MME: variants seen among roughly 807,000 people sequenced by gnomAD.
MME encodes the protein membrane metalloendopeptidase.
In MME, 98 loss-of-function variants were observed where a neutral mutation model predicts 113.2. That is an observed-to-expected ratio of 0.87 (90% CI 0.74 to 1.02). The LOEUF (loss-of-function observed/expected upper bound fraction) is 1.02. MME is among the 50% of genes least tolerant of loss of function. The pLI is 0.00. For missense variants in MME, 836 were observed against 896.0 expected, an observed-to-expected ratio of 0.93 and a Z score of 0.86; for synonymous variants, 292 against 300.6, an observed-to-expected ratio of 0.97 and a Z score of 0.30.
intron 1 of MME, among the ~76,000 whole-genome samples, chr3:155,065,987 T>C (rs1379410446): frequency 6.6e-6 from 1 of 152,206 alleles, no homozygotes; most frequent in Non-Finnish European, 1.5e-5. Context: ...GGGATTTAAT[T>C]ATTTAAGTAA....
chr3:155,103,275 T>C (rs960997310), intron 3 of MME, among the ~76,000 whole-genome samples: 11 of 152,370 alleles, frequency 7.2e-5, no homozygotes, highest in African/African-American at 2.6e-4. Context: ...GTTCCTTACC[T>C]TGAAGTCACA....
chr3:155,167,075 T>A, intron 18 of MME, 54 bp downstream of exon 18: 1 of 1,596,108 alleles, frequency 6.3e-7, no homozygotes, highest in Non-Finnish European at 8.6e-7. Flanking sequence ...ATAAATTTGA[T>A]TAAGAGTTAT....
At chr3:155,106,671 GA>G (rs1404774223) in intron 3 of MME, among the ~76,000 whole-genome samples, 4 of 152,162 alleles carry the variant, frequency 2.6e-5, no homozygotes, top group Non-Finnish European at 5.9e-5. Flanking sequence ...GGGATGGTGG[GA>G]GGAGGGTGGC....
upstream of MME, chr3:155,080,002 G>T (rs537664389): frequency 6.6e-6 from 1 of 152,604 alleles, no homozygotes; most frequent in South Asian, 2.1e-4. Flanking sequence ...AATCCCACTG[G>T]TGAGTCCCAG....
chr3:155,045,512 AAATT>A (rs973377082), intron 1 of MME, among the ~76,000 whole-genome samples: 7 of 151,158 alleles, frequency 4.6e-5, no homozygotes, highest in Non-Finnish European at 1.0e-4. Flanking sequence ...GGATCTTTCA[AAATT>A]AATTATCTTT....
chr3:155,161,244 C>T (rs1194782373), intron 17 of MME, among the ~76,000 whole-genome samples: 3 of 151,900 alleles, frequency 2.0e-5, no homozygotes, highest in Admixed American at 2.0e-4. Context: ...GAAAGGTACT[C>T]AACTGATTCA....
chr3:155,153,152 G>A (rs892111860), intron 16 of MME, among the ~76,000 whole-genome samples: 11 of 151,612 alleles, frequency 7.3e-5, no homozygotes, highest in Non-Finnish European at 1.0e-4. Flanking sequence ...CCAGCCTCCC[G>A]AGTAGCTGGA....
chr3:155,161,640 T>C (rs1215580854), intron 17 of MME, among the ~76,000 whole-genome samples: 2 of 152,212 alleles, frequency 1.3e-5, no homozygotes, highest in African/African-American at 4.8e-5. Flanking sequence ...TTATGATTTC[T>C]ATTTTTGGAG....
chr3:155,144,672 A>T (rs1270507762), intron 14 of MME, among the ~76,000 whole-genome samples: 6 of 152,140 alleles, frequency 3.9e-5, no homozygotes, highest in Non-Finnish European at 8.8e-5. Flanking sequence ...AGCAAGGTGA[A>T]AATATTAAGT....
chr3:155,114,049 A>G (rs1269189779), intron 3 of MME, among the ~76,000 whole-genome samples: 1 of 152,172 alleles, frequency 6.6e-6, no homozygotes, highest in Admixed American at 6.6e-5. Flanking sequence ...GTTTTTAATT[A>G]ATTAATTAAT....
Position 155,085,070 on chromosome 3 carries a change from A to G in MME, c.172A>G (p.Lys58Glu). 3 of 1,588,192 alleles carry G rather than the reference A, an allele frequency of 1.9e-6. No individual in the cohort carries two copies. Among genetic ancestry groups the G allele is most frequent in the Non-Finnish European group, 1.7e-6 (2 of 1,160,580 alleles). Residue 58 changes from lysine (K) to glutamate (E), a missense_variant, in exon 3 of 23, where the codon AAG becomes GAG. By Grantham distance (56) the Lys-to-Glu change is moderately conservative. Transcript: ENST00000360490. ...LYATYDDGIC[K>E]SSDCIKSAAR... ...TCTCCTTTTTCTAGATGGTATTTGC[A>G]AGTCATCAGACTGCATAAAATCAGG...
chr3:155,144,446 G>A lies in MME; in HGVS notation c.1405G>A (p.Ala469Thr), dbSNP rs1721355115. Residue 469 changes from alanine to threonine, a missense_variant, in exon 14 of 23, where the codon GCT (alanine) becomes ACT (threonine). Ala to Thr is a moderately conservative substitution (Grantham distance 58, BLOSUM62 0). Coordinates refer to ENST00000360490, the MANE Select transcript of MME (RefSeq NM_007289.4). ...GATGGATGCCGAGACAAAAAAGAGAGCTGAAGAAAAGGTAAAGAGCAGACA... is the reference window on the plus strand; with the variant it reads ...GATGGATGCCGAGACAAAAAAGAGAACTGAAGAAAAGGTAAAGAGCAGACA... The part of the protein sequence containing the change: ...TWMDAETKKR[A>T]EEKALAIKER... 7 of 1,610,780 alleles carry A rather than the reference G, an allele frequency of 4.3e-6. No homozygotes were observed. The highest frequency in any genetic ancestry group is 5.9e-6 in the Non-Finnish European group (7 of 1,177,322).
chr3:155,116,861 G>A lies in MME; in HGVS notation c.536-7G>A, dbSNP rs766304271. 6.3e-7 allele frequency: 1 copy of A among 1,579,562 alleles called. No homozygotes were observed. ...CTAAAGATATATTTTATCTTTTATT[G>A]CTTTAGGTGCTTCTTGGACAGCTGA... is the stretch of plus-strand genomic sequence containing the variant. On this transcript the variant is annotated splice_polypyrimidine_tract_variant and splice_region_variant and intron_variant, in intron 6 of 22. Coordinates refer to ENST00000360490, the MANE Select transcript of MME (RefSeq NM_007289.4).
At chr3:155,060,920 T>C (rs13094238) in intron 1 of MME, among the ~76,000 whole-genome samples, 14,394 of 151,970 alleles carry the variant, frequency 0.095, 871 homozygotes, top group Middle Eastern at 0.18. Flanking sequence ...CACAATCCCA[T>C]CATGGAGGTT....
intron 1 of MME, among the ~76,000 whole-genome samples, chr3:155,042,914 A>ATATATATATATATATG (rs1713388932): frequency 2.2e-5 from 1 of 44,710 alleles, no homozygotes; most frequent in Admixed American, 2.9e-4. Flanking sequence ...ATATATATAT[A>ATATATATATATATATG]TATATATATA....
chr3:155,096,871 A>G (rs1559914816), intron 3 of MME, among the ~76,000 whole-genome samples: 1 of 152,132 alleles, frequency 6.6e-6, no homozygotes, highest in Admixed American at 6.5e-5. Context: ...GGCATGCACC[A>G]CCACACCCCG....
At chr3:155,067,656 T>C (rs1057481707) in intron 1 of MME, among the ~76,000 whole-genome samples, 3 of 152,104 alleles carry the variant, frequency 2.0e-5, no homozygotes, top group Non-Finnish European at 4.4e-5. Context: ...AAAAAAGATA[T>C]ATGGATAACA....
In MME at chr3:155,133,062, A is replaced by AATATATATATATATATATATATAT. The variant is rs1553762420; in HGVS notation, c.721-5022_721-5021insATATATATATATATATATATATAT. Among the ~76,000 whole-genome samples, 146 of 74,844 alleles carry AATATATATATATATATATATATAT rather than the reference A, an allele frequency of 2.0e-3. 1 individual carries two copies. Among genetic ancestry groups the AATATATATATATATATATATATAT allele is most frequent in the Non-Finnish European group, 2.7e-3 (103 of 38,392 alleles). 49.1% of individuals were successfully genotyped at this position (74,844 alleles called of 152,430 possible). On this transcript the variant is annotated intron_variant, in intron 8 of 22. Coordinates refer to ENST00000360490, the MANE Select transcript of MME (RefSeq NM_007289.4). ...TCTAAAAAAAAAAAAAAAAAAAAAA[A>AATATATATATATATATATATATAT]ATATATATATATATATATGTATAAA...
intron 8 of MME, among the ~76,000 whole-genome samples, chr3:155,127,075 A>C (rs1719738332): frequency 6.6e-6 from 1 of 151,984 alleles, no homozygotes; most frequent in South Asian, 2.1e-4. Flanking sequence ...AGTCCTCATC[A>C]ACATGATTCA....
Sources: gnomAD v4.1 joint callset for allele counts (sites outside exome capture counted in the v4.1 genomes callset) on GRCh38, gnomAD v4.1.1 for gene constraint, MANE v1.5 for transcripts, NCBI Gene and HGNC (gene_info 2026-07-23, HGNC 2026-07-21) for gene names.